Variants in PRKN observed in about 807,000 individuals in gnomAD.
The protein encoded by PRKN is parkin RBR E3 ubiquitin protein ligase, also known as E3 ubiquitin-protein ligase parkin.
In PRKN, 56 loss-of-function variants were observed where a neutral mutation model predicts 59.5. The observed-to-expected ratio is 0.94, with a 90% CI of 0.76 to 1.18. The LOEUF (loss-of-function observed/expected upper bound fraction) is 1.18. PRKN is among the 50% of genes most tolerant of loss of function. The probability of loss-of-function intolerance (pLI) is 0.00; values close to 1 mark genes in which losing one functional copy is unlikely to be tolerated. For synonymous variants in PRKN, 250 were observed against 222.1 expected, an observed-to-expected ratio of 1.13 and a Z score of -1.12; for missense variants, 657 against 596.4, an observed-to-expected ratio of 1.10 and a Z score of -1.06.
intron 2 of PRKN, among the ~76,000 whole-genome samples, chr6:162,411,530 T>C (rs1437104303): frequency 6.6e-6 from 1 of 152,158 alleles, no homozygotes; most frequent in Non-Finnish European, 1.5e-5. Flanking sequence ...TGTGATAAAT[T>C]ACAGAAGCAA....
intron 3 of PRKN, among the ~76,000 whole-genome samples, chr6:162,256,360 C>T (rs982574881): frequency 1.9e-4 from 29 of 152,246 alleles, no homozygotes; most frequent in Admixed American, 5.9e-4. Context: ...TATAAAATTT[C>T]ACAAAATTTC....
chr6:161,382,111 CAAAAAAAAAAAAAA>C (rs59174358), intron 10 of PRKN, among the ~76,000 whole-genome samples: 2 of 46,280 alleles, frequency 4.3e-5, no homozygotes, highest in African/African-American at 1.4e-4. Flanking sequence ...GACTCCATCT[CAAAAAAAAAAAAAA>C]AAAAAAAATC....
rs984732034 is a variant in PRKN, at chr6:161,379,593, C to T, written c.1167+7201G>A. ...GCCAAGTCTCTACCCGGGAAGTGCC[C>T]CCAGCTGAAGAAAGCTGCTTCACCC... On this transcript the variant is annotated intron_variant, in intron 10 of 11. Coordinates refer to ENST00000366898, the MANE Select transcript of PRKN (RefSeq NM_004562.3). This position sits in a 1 kb window ranked among gnomAD's most constrained non-coding sequence, Gnocchi z 4.9. Among the ~76,000 whole-genome samples, 1 of 152,146 alleles carries T rather than the reference C, an allele frequency of 6.6e-6. No homozygotes were observed. Among genetic ancestry groups the T allele is most frequent in the Non-Finnish European group, 1.5e-5 (1 of 68,020 alleles).
intron 6 of PRKN, among the ~76,000 whole-genome samples, chr6:161,809,234 A>G (rs1791461431): frequency 6.6e-6 from 1 of 152,188 alleles, no homozygotes; most frequent in African/African-American, 2.4e-5. Flanking sequence ...CCCCTTACCC[A>G]CACATCAACA....
intron 1 of PRKN, among the ~76,000 whole-genome samples, chr6:162,540,960 C>T (rs745482643): frequency 1.3e-5 from 2 of 152,134 alleles, no homozygotes; most frequent in African/African-American, 4.8e-5. Flanking sequence ...CCATTTTTGA[C>T]ATCTTAATAC....
At position 162,573,160 on chromosome 6, in the gene PRKN, A is replaced by C. The variant is rs190556559; in HGVS notation, c.8-129687T>G. On this transcript the variant is annotated intron_variant, in intron 1 of 11. Transcript: ENST00000366898. ...TTATATATTTGGGTAGATTCCAAAC[A>C]GAAAATGAGTTCCAAGCCTTGGACT... 5.9e-5 allele frequency among the ~76,000 whole-genome samples: 9 copies of C among 152,300 alleles called. No individual in the cohort carries two copies. The East Asian group carries it at 1.7e-3, about 29-fold the overall frequency.
intron 7 of PRKN, among the ~76,000 whole-genome samples, chr6:161,681,594 G>C (rs1400011682): frequency 6.6e-6 from 1 of 152,100 alleles, no homozygotes; most frequent in East Asian, 1.9e-4. Flanking sequence ...AATGAGACTT[G>C]CAGGGAGCCA....
At chr6:162,505,749 T>A (rs576228392) in intron 1 of PRKN, among the ~76,000 whole-genome samples, 2 of 152,192 alleles carry the variant, frequency 1.3e-5, no homozygotes, top group South Asian at 4.1e-4. Context: ...ACCCATAATA[T>A]GTGATTTACT....
At chr6:162,312,937 C>G (rs918838609) in intron 2 of PRKN, among the ~76,000 whole-genome samples, 2 of 151,576 alleles carry the variant, frequency 1.3e-5, no homozygotes, top group African/African-American at 4.8e-5. Context: ...ACACTAGATG[C>G]CAGAAGAAAA....
chr6:162,544,131 A>G (rs1446731561), intron 1 of PRKN, among the ~76,000 whole-genome samples: 2 of 152,200 alleles, frequency 1.3e-5, no homozygotes, highest in Admixed American at 1.3e-4. Context: ...AGAAGAAACT[A>G]ACCAAGGAAA....
Position 161,652,821 on chromosome 6 carries a change from T to C in PRKN, c.872-83405A>G, listed in dbSNP as rs188759715. Among the ~76,000 whole-genome samples, 410 of 152,178 alleles carry C rather than the reference T, an allele frequency of 2.7e-3. 13 individuals are homozygous for C. The highest frequency in any genetic ancestry group is 0.024 in the Admixed American group (363 of 15,272). ...TAAGAGGAGGTGGCAAAGCAGAAAA[T>C]ACTTTAAAGGAAACTTCCAAAGAGC... is the stretch of plus-strand genomic sequence containing the variant. On this transcript the variant is annotated intron_variant, in intron 7 of 11. Transcript: ENST00000366898.
At chr6:162,049,321 T>A (rs903374639) in intron 5 of PRKN, among the ~76,000 whole-genome samples, 9 of 152,082 alleles carry the variant, frequency 5.9e-5, no homozygotes, top group Non-Finnish European at 1.2e-4. Context: ...TCCAAAATAC[T>A]GTCAAAACCT....
chr6:162,117,930 C>T (rs1297083290), intron 4 of PRKN, among the ~76,000 whole-genome samples: 1 of 151,840 alleles, frequency 6.6e-6, no homozygotes, highest in Non-Finnish European at 1.5e-5. Context: ...AACCTTGTCT[C>T]TACTAAAAAT....
intron 4 of PRKN, among the ~76,000 whole-genome samples, chr6:162,111,579 G>C (rs554204358): frequency 6.6e-6 from 1 of 152,158 alleles, no homozygotes; most frequent in African/African-American, 2.4e-5. Flanking sequence ...TGAGTGCGGG[G>C]TGTGTGTAGC....
At chr6:162,224,236 T>C (rs1368061801) in intron 3 of PRKN, among the ~76,000 whole-genome samples, 1 of 152,186 alleles carries the variant, frequency 6.6e-6, no homozygotes, top group Non-Finnish European at 1.5e-5. Context: ...GGACTGCATA[T>C]ACAGTGGTAG....
At chr6:162,543,921 G>C (rs1484132869) in intron 1 of PRKN, among the ~76,000 whole-genome samples, 2 of 152,140 alleles carry the variant, frequency 1.3e-5, no homozygotes, top group African/African-American at 4.8e-5. Flanking sequence ...CCCTCTGAAA[G>C]GTTTCTGACT....
At chr6:162,300,919 G>C (rs1781914202) in intron 2 of PRKN, among the ~76,000 whole-genome samples, 1 of 151,906 alleles carries the variant, frequency 6.6e-6, no homozygotes, top group Non-Finnish European at 1.5e-5. Context: ...AACACCAATA[G>C]CAAACTGGAG....
At chr6:162,110,688 A>G (rs9458461) in intron 4 of PRKN, among the ~76,000 whole-genome samples, 124,655 of 152,112 alleles carry the variant, frequency 0.82, 51,493 homozygotes, top group African/African-American at 0.93. Context: ...GAAAAAGGCA[A>G]CCTTGAAACA....
Position 161,578,649 on chromosome 6 carries a change from T to TGA in PRKN, c.872-9234_872-9233insTC, listed in dbSNP as rs1213207461. On this transcript the variant is annotated intron_variant, in intron 7 of 11. Coordinates refer to ENST00000366898, the MANE Select transcript of PRKN (RefSeq NM_004562.3). The surrounding 1 kb of genome is among the most constrained non-coding windows in gnomAD (Gnocchi z 4.2). ...ATGAACACCCTCCCCTGACCTCTCT[T>TGA]TCCTGTGACACCTCCATGACTGTCC... 1.3e-5 allele frequency among the ~76,000 whole-genome samples: 2 copies of TGA among 152,162 alleles called. No individual in the cohort carries two copies. Among genetic ancestry groups the TGA allele is most frequent in the African/African-American group, 4.8e-5 (2 of 41,446 alleles).
Sources: allele counts gnomAD v4.1 joint callset (sites outside exome capture counted in the v4.1 genomes callset), GRCh38; gene constraint gnomAD v4.1.1; non-coding constraint Gnocchi (gnomAD v3.1); transcripts MANE v1.5; gene names NCBI Gene and HGNC (gene_info 2026-07-23, HGNC 2026-07-21).